SRR: variants seen among roughly 807,000 people sequenced by gnomAD.
SRR encodes serine racemase.
A neutral mutation model predicts 32.7 loss-of-function variants in SRR; 19 were observed. That is an observed-to-expected ratio of 0.58 (90% CI 0.40 to 0.85). The LOEUF (loss-of-function observed/expected upper bound fraction) is 0.85. SRR is among the 40% of genes least tolerant of loss of function. The pLI, the probability that SRR is intolerant of heterozygous loss-of-function variation, is 0.00. For missense variants in SRR, 373 were observed against 404.7 expected (o/e 0.92, Z 0.67); for synonymous variants, 142 against 140.9 (o/e 1.01, Z -0.06).
intron 3 of SRR, 60 bp from the exon 4 acceptor site, chr17:2,318,765 TG>T: frequency 1.6e-6 from 2 of 1,283,912 alleles, no homozygotes; most frequent in Non-Finnish European, 2.3e-6. Flanking sequence ...CCACCGTGCC[TG>T]GCCACATAAG....
chr17:2,319,339 T>C (rs2075504827), intron 4 of SRR, among the ~76,000 whole-genome samples: 1 of 152,190 alleles, frequency 6.6e-6, no homozygotes. Flanking sequence ...AGTCATCTTT[T>C]TTTGAAAATT....
chr17:2,305,860 G>A (rs935374312), intron 1 of SRR, among the ~76,000 whole-genome samples: 7 of 151,850 alleles, frequency 4.6e-5, no homozygotes, highest in Non-Finnish European at 8.8e-5. Flanking sequence ...ACCATGCCCA[G>A]CTAATTTTTT....
Position 2,315,555 on chromosome 17 carries a change from A to C in SRR, c.-4-2A>C. 1.2e-6 allele frequency: 2 copies of C among 1,605,608 alleles called. No homozygotes were observed. The highest frequency in any genetic ancestry group is 1.7e-6 in the Non-Finnish European group (2 of 1,177,082). ...GACCCCTTTCTTATTCCTGGGTTTC[A>C]GAACCATGTGTGCTCAGTATTGCAT... On this transcript the variant is annotated splice_acceptor_variant, in intron 1 of 7. Transcript: ENST00000344595. LOFTEE classifies it low-confidence loss of function (5UTR_SPLICE).
rs1403665452 is a variant in SRR at position 2,324,775 on chromosome 17, A to C, written c.*902A>C. The stretch of plus-strand genomic sequence containing the variant: ...ACTCAGAACAACTCTCTTGATGACC[A>C]TTCTGTCTGGATCTACTGACATAAG... On this transcript the variant is annotated 3_prime_UTR_variant, in exon 8 of 8. Coordinates refer to ENST00000344595, the MANE Select transcript of SRR (RefSeq NM_021947.3). The C allele has an allele frequency of 2.5e-6, 4 of 1,614,214 alleles. No individual in the cohort carries two copies. Among genetic ancestry groups the C allele is most frequent in the Non-Finnish European group, 3.4e-6 (4 of 1,180,034 alleles).
intron 1 of SRR, among the ~76,000 whole-genome samples, chr17:2,313,154 G>A (rs1257776846): frequency 6.6e-6 from 1 of 152,226 alleles, no homozygotes; most frequent in Admixed American, 6.5e-5. Context: ...ATAAAGCCGG[G>A]CGCAGTGGCT....
intron 1 of SRR, among the ~76,000 whole-genome samples, chr17:2,304,608 G>A (rs2075367735): frequency 6.6e-6 from 1 of 151,634 alleles, no homozygotes; most frequent in Non-Finnish European, 1.5e-5. Context: ...TACATCAGGA[G>A]GCATATAAGT....
intron 1 of SRR, among the ~76,000 whole-genome samples, chr17:2,311,315 G>A (rs372023960): frequency 6.6e-6 from 1 of 151,966 alleles, no homozygotes; most frequent in African/African-American, 2.4e-5. Flanking sequence ...GTGCCCAGCC[G>A]AGGGGGCATA....
intron 1 of SRR, among the ~76,000 whole-genome samples, chr17:2,313,743 AC>A (rs1346016921): frequency 6.6e-6 from 1 of 151,874 alleles, no homozygotes; most frequent in Non-Finnish European, 1.5e-5. Context: ...CAAAAAAACA[AC>A]AAAAAAAAAA....
At chr17:2,318,229 C>G (rs2075494047) in intron 3 of SRR, among the ~76,000 whole-genome samples, 1 of 152,196 alleles carries the variant, frequency 6.6e-6, no homozygotes. Context: ...ACTGTAACCT[C>G]CACCTGCCGG....
Position 2,304,645 on chromosome 17 carries a change from C to A in SRR, c.-5+628C>A, listed in dbSNP as rs543147607. On this transcript the variant is annotated intron_variant, in intron 1 of 7. Coordinates refer to ENST00000344595, the MANE Select transcript of SRR (RefSeq NM_021947.3). ...CATTTGGGACCTGTAATCCCGGCGA[C>A]TCGGAACGCTGAGACGGGCGGATCG... 1.3e-4 allele frequency among the ~76,000 whole-genome samples: 20 copies of A among 151,660 alleles called. No individual in the cohort carries two copies. The South Asian group carries it at 4.0e-3, about 30-fold the overall frequency.
At position 2,306,423 on chromosome 17, in the gene SRR, AC is replaced by A. The variant is rs2036835660; in HGVS notation, c.-5+2407del. ...CTAACCATTTGGAATTTTTTTAAAA[AC>A]AACAATTTTAGGCCAGGCCCCGTGG... is the stretch of plus-strand genomic sequence containing the variant. On this transcript the variant is annotated intron_variant, in intron 1 of 7. Coordinates refer to ENST00000344595, the MANE Select transcript of SRR (RefSeq NM_021947.3). Among the ~76,000 whole-genome samples, 4 of 150,492 alleles carry A rather than the reference AC, an allele frequency of 2.7e-5. No homozygotes were observed. In the South Asian group the frequency reaches 8.4e-4, roughly 31 times the overall value.
intron 1 of SRR, among the ~76,000 whole-genome samples, chr17:2,312,184 C>T (rs1475802986): frequency 6.7e-6 from 1 of 148,352 alleles, no homozygotes; most frequent in African/African-American, 2.5e-5. Context: ...CCACTGTACA[C>T]CAGCCTGGAC....
At position 2,313,551 on chromosome 17, in the gene SRR, C is replaced by A. The variant is rs879625013; in HGVS notation, c.-4-2006C>A. ...AGGAGTTCAAGACCAGCCTGGCCAA[C>A]ATGGTGAAACCCCGCCTCTACGAAA... On this transcript the variant is annotated intron_variant, in intron 1 of 7. Coordinates refer to ENST00000344595, the MANE Select transcript of SRR (RefSeq NM_021947.3). 1.2e-4 allele frequency among the ~76,000 whole-genome samples: 18 copies of A among 151,512 alleles called. 1 individual carries two copies. The highest frequency in any genetic ancestry group is 6.2e-4 in the South Asian group (3 of 4,808).
intron 2 of SRR, among the ~76,000 whole-genome samples, chr17:2,316,208 G>GAGT (rs1175237280): frequency 6.6e-6 from 1 of 152,034 alleles, no homozygotes; most frequent in Non-Finnish European, 1.5e-5. Context: ...TGCAGCCTAG[G>GAGT]AGTAATAGGC....
intron 1 of SRR, among the ~76,000 whole-genome samples, chr17:2,313,356 G>A (rs1426757324): frequency 1.3e-5 from 2 of 151,518 alleles, no homozygotes; most frequent in African/African-American, 2.4e-5. Context: ...CTTGAACCTG[G>A]GAGGCAGAGG....
At chr17:2,312,819 G>A (rs757644387) in intron 1 of SRR, among the ~76,000 whole-genome samples, 28 of 152,256 alleles carry the variant, frequency 1.8e-4, no homozygotes, top group Middle Eastern at 3.4e-3. Context: ...AAGGACTGAC[G>A]GAGGTACACA....
intron 1 of SRR, among the ~76,000 whole-genome samples, chr17:2,306,509 G>T (rs1371979112): frequency 6.6e-6 from 1 of 152,074 alleles, no homozygotes; most frequent in African/African-American, 2.4e-5. Context: ...TTGAGGTCAG[G>T]AGTTCGAGAC....
chr17:2,324,217 C>A lies in SRR; in HGVS notation c.*344C>A. 6.6e-7 allele frequency: 1 copy of A among 1,523,792 alleles called. No homozygotes were observed. Among genetic ancestry groups the A allele is most frequent in the South Asian group, 1.4e-5 (1 of 73,750 alleles). The allele number at this position is 1,523,792 out of a possible 1,614,324, so 94.4% of individuals were successfully genotyped here. A position where few individuals can be genotyped will look rare whatever the true frequency, so the allele number is the denominator to read the frequency against. On this transcript the variant is annotated 3_prime_UTR_variant, in exon 8 of 8. Transcript: ENST00000344595. The stretch of plus-strand genomic sequence containing the variant: ...TCCATTACTCCATGCCCCCTTGAGG[C>A]ACTGTTGAAGAAATCTCACTTTTCA...
At chr17:2,304,351 A>G in intron 1 of SRR, among the ~76,000 whole-genome samples, 1 of 151,422 alleles carries the variant, frequency 6.6e-6, no homozygotes, top group African/African-American at 2.4e-5. Flanking sequence ...TCCTGGATTC[A>G]AGCGATTCTC....
Sources: gnomAD v4.1 joint callset for allele counts (sites outside exome capture counted in the v4.1 genomes callset) on GRCh38, gnomAD v4.1.1 for gene constraint, MANE v1.5 for transcripts, NCBI Gene and HGNC (gene_info 2026-07-23, HGNC 2026-07-21) for gene names.